MOGAT1: variants seen among roughly 807,000 people sequenced by gnomAD.
MOGAT1 encodes the protein 2-acylglycerol O-acyltransferase 1.
In MOGAT1, 32 loss-of-function variants were observed where a neutral mutation model predicts 31.4. That is an observed-to-expected ratio of 1.02 (90% confidence interval 0.77 to 1.37). MOGAT1 has a LOEUF of 1.37. Among genes scored for constraint, MOGAT1 ranks in the 40% most tolerant of loss-of-function variants. MOGAT1 has a pLI of 0.00. For synonymous variants in MOGAT1, 145 were observed against 144.5 expected (o/e 1.00, Z -0.03); for missense variants, 426 against 402.0 (o/e 1.06, Z -0.51).
At chr2:222,702,468 A>G (rs1392807969) in intron 5 of MOGAT1, among the ~76,000 whole-genome samples, 1 of 152,210 alleles carries the variant, frequency 6.6e-6, no homozygotes, top group Non-Finnish European at 1.5e-5. Flanking sequence ...ATTGATGTCC[A>G]CAACTTACTT....
Position 222,694,369 on chromosome 2 carries a change from T to G in MOGAT1, c.486T>G (p.Val162=). The G allele has an allele frequency of 6.2e-7, 1 of 1,607,460 alleles. No individual in the cohort carries two copies. The highest frequency in any genetic ancestry group is 8.5e-7 in the Non-Finnish European group (1 of 1,177,170). Residue 162 remains valine, a synonymous_variant, in exon 4 of 6, where the codon GTT becomes GTG. Coordinates refer to ENST00000446656, the MANE Select transcript of MOGAT1 (RefSeq NM_058165.3). The part of the protein sequence containing the change: ...FREYVMSVGL[V]SVSKKSVSYM... ...TTTGTTTTATTCACTAAGGGCTGGTTTCAGTTTCCAAGAAAAGTGTGTCCT... is the reference window on the plus strand; with the variant it reads ...TTTGTTTTATTCACTAAGGGCTGGTGTCAGTTTCCAAGAAAAGTGTGTCCT...
chr2:222,675,941 A>C (rs952404007), intron 1 of MOGAT1, among the ~76,000 whole-genome samples: 9 of 152,170 alleles, frequency 5.9e-5, no homozygotes, highest in Non-Finnish European at 1.3e-4. Context: ...TCCAGTGGTG[A>C]CGAGAGATGT....
chr2:222,694,591 C>A, intron 4 of MOGAT1, 55 bp downstream of exon 4: 3 of 1,538,462 alleles, frequency 1.9e-6, no homozygotes, highest in Non-Finnish European at 2.6e-6. Context: ...CATTATTAAA[C>A]AAACCACGAA....
intron 5 of MOGAT1, among the ~76,000 whole-genome samples, chr2:222,702,697 T>G (rs1692944301): frequency 6.6e-6 from 1 of 151,840 alleles, no homozygotes; most frequent in Non-Finnish European, 1.5e-5. Context: ...AGGACAAAAG[T>G]AATCCACTGT....
At chr2:222,704,081 T>G (rs1692968295) in intron 5 of MOGAT1, among the ~76,000 whole-genome samples, 1 of 152,184 alleles carries the variant, frequency 6.6e-6, no homozygotes, top group Non-Finnish European at 1.5e-5. Flanking sequence ...CAGTGAAACA[T>G]AAACAAAAGC....
chr2:222,689,260 T>C lies in MOGAT1; in HGVS notation c.274-5T>C. 1 of 1,609,560 alleles carries C rather than the reference T, an allele frequency of 6.2e-7. No individual in the cohort carries two copies. On this transcript the variant is annotated splice_region_variant and splice_polypyrimidine_tract_variant and intron_variant, in intron 2 of 5. Transcript: ENST00000446656. Reference sequence around the variant, plus strand: ...TTTTAAAATCTCAATATGAATGTGCTGTAGCTTATCAAAACTCAAGATTTG... The same window carrying C: ...TTTTAAAATCTCAATATGAATGTGCCGTAGCTTATCAAAACTCAAGATTTG...
chr2:222,698,195 G>A (rs1342681592), intron 5 of MOGAT1, among the ~76,000 whole-genome samples: 1 of 152,200 alleles, frequency 6.6e-6, no homozygotes, highest in Admixed American at 6.5e-5. Context: ...AATCTGGGGA[G>A]TAATTGCTAA....
intron 3 of MOGAT1, among the ~76,000 whole-genome samples, chr2:222,693,975 T>C (rs1692804017): frequency 6.6e-6 from 1 of 152,202 alleles, no homozygotes; most frequent in South Asian, 2.1e-4. Flanking sequence ...TTCGCCATGA[T>C]AAATATCAAG....
At position 222,671,738 on chromosome 2, in the gene MOGAT1, C is replaced by T. The variant is rs566599483; in HGVS notation, c.-48C>T. On this transcript the variant is annotated 5_prime_UTR_variant, in exon 1 of 6. Coordinates refer to ENST00000446656, the MANE Select transcript of MOGAT1 (RefSeq NM_058165.3). ...ACTTCCCACAGGCGCCGCAGAGCAG[C>T]GTGGGTGCAGGCTGCAGTGGCTGGC... 3.9e-4 allele frequency: 570 copies of T among 1,470,744 alleles called. No individual in the cohort carries two copies. The highest frequency in any genetic ancestry group is 5.0e-4 in the Non-Finnish European group (537 of 1,075,634). The allele number at this position is 1,470,744 out of a possible 1,614,324, so 91.1% of individuals were successfully genotyped here.
intron 5 of MOGAT1, among the ~76,000 whole-genome samples, chr2:222,701,215 G>A (rs1419827334): frequency 1.3e-5 from 2 of 151,700 alleles, no homozygotes. Flanking sequence ...AGCGGAGATC[G>A]TGCCACTGCA....
intron 1 of MOGAT1, among the ~76,000 whole-genome samples, chr2:222,683,418 T>G (rs1264218303): frequency 7.1e-6 from 1 of 140,156 alleles, no homozygotes; most frequent in African/African-American, 3.0e-5. Flanking sequence ...GTTATGTGAA[T>G]TTCACTTAAA....
intron 5 of MOGAT1, among the ~76,000 whole-genome samples, chr2:222,709,505 A>T (rs958852767): frequency 6.6e-6 from 1 of 152,210 alleles, no homozygotes; most frequent in African/African-American, 2.4e-5. Flanking sequence ...TCAAAGTCAA[A>T]ACCACCAGGG....
At chr2:222,697,343 A>C (rs1158080353) in intron 5 of MOGAT1, among the ~76,000 whole-genome samples, 2 of 152,102 alleles carry the variant, frequency 1.3e-5, no homozygotes, top group Non-Finnish European at 2.9e-5. Flanking sequence ...TTCCCACAGT[A>C]ATTACGTTTA....
intron 1 of MOGAT1, among the ~76,000 whole-genome samples, chr2:222,675,865 A>T (rs1284000961): frequency 6.6e-6 from 1 of 152,124 alleles, no homozygotes; most frequent in Non-Finnish European, 1.5e-5. Flanking sequence ...CAGGAAATAA[A>T]GGATAAATAC....
chr2:222,671,844 C>T lies in MOGAT1; in HGVS notation c.59C>T (p.Ala20Val). ...CTGGCGCGGCGGCTGCAGACGGTGG[C>T]CGTGCTGCAGTGGGTCCTGAAATAC... is the stretch of plus-strand genomic sequence containing the variant. ...IQLARRLQTV[A>V]VLQWVLKYLL... The change falls in exon 1 of 6, where the codon GCC becomes GTC. Residue 20 changes from alanine to valine, a missense_variant. Transcript: ENST00000446656. 6.4e-7 allele frequency: 1 copy of T among 1,552,876 alleles called. No homozygotes were observed. The highest frequency in any genetic ancestry group is 8.7e-7 in the Non-Finnish European group (1 of 1,148,046).
chr2:222,708,365 T>TGA (rs1693038156), intron 5 of MOGAT1, among the ~76,000 whole-genome samples: 1 of 152,138 alleles, frequency 6.6e-6, no homozygotes, highest in Non-Finnish European at 1.5e-5. Context: ...ATTACAGGCG[T>TGA]GAGACACTGC....
intron 1 of MOGAT1, among the ~76,000 whole-genome samples, chr2:222,676,181 C>A (rs970924015): frequency 1.3e-5 from 2 of 148,868 alleles, no homozygotes; most frequent in African/African-American, 5.0e-5. Flanking sequence ...CAGACGGGGT[C>A]TCTCTATGTT....
intron 1 of MOGAT1, among the ~76,000 whole-genome samples, chr2:222,681,853 C>T (rs538277489): frequency 6.6e-6 from 1 of 152,282 alleles, no homozygotes; most frequent in South Asian, 2.1e-4. Context: ...ACCTAGCACC[C>T]CTGTTGATCA....
intron 1 of MOGAT1, among the ~76,000 whole-genome samples, chr2:222,686,850 C>T (rs571821483): frequency 2.6e-5 from 4 of 152,208 alleles, no homozygotes; most frequent in African/African-American, 4.8e-5. Flanking sequence ...CTGTGGCTGA[C>T]ACCTGTAATC....
Sources: allele counts gnomAD v4.1 joint callset (sites outside exome capture counted in the v4.1 genomes callset), GRCh38; gene constraint gnomAD v4.1.1; transcripts MANE v1.5; gene names NCBI Gene and HGNC (gene_info 2026-07-23, HGNC 2026-07-21).